Variants in CNNM1 observed in about 807,000 individuals in gnomAD.
The protein encoded by CNNM1 is metal transporter CNNM1.
CNNM1 carries 44 observed loss-of-function variants against 78.8 expected under a neutral mutation model. The ratio of observed to expected loss-of-function variants is 0.56; its 90% CI spans 0.44 to 0.72. The LOEUF (loss-of-function observed/expected upper bound fraction) is 0.72. Among genes scored for constraint, CNNM1 ranks in the 30% least tolerant of loss-of-function variants. The probability of loss-of-function intolerance (pLI) is 0.00; values close to 1 mark genes in which losing one functional copy is unlikely to be tolerated. For missense variants in CNNM1, 1,101 were observed against 1,292.2 expected (o/e 0.85, Z 2.27); for synonymous variants, 584 against 581.5 (o/e 1.00, Z -0.06).
chr10:99,357,794 G>A (rs574323145), intron 2 of CNNM1, 139 bp downstream of exon 2: 1 of 721,600 alleles, frequency 1.4e-6, no homozygotes, highest in Non-Finnish European at 2.0e-6. Flanking sequence ...TATGCCAGGT[G>A]CTGCTGTGGC....
At chr10:99,384,211 C>G (rs1011048748) in intron 7 of CNNM1, among the ~76,000 whole-genome samples, 5 of 152,138 alleles carry the variant, frequency 3.3e-5, no homozygotes, top group Non-Finnish European at 7.3e-5. Context: ...AAGGAACTGA[C>G]AAGAAGTGAT....
intron 1 of CNNM1, among the ~76,000 whole-genome samples, chr10:99,347,303 G>A (rs1027525389): frequency 3.3e-5 from 5 of 151,750 alleles, no homozygotes; most frequent in Admixed American, 6.6e-5. Context: ...GGTGGATCAC[G>A]AGGTCAGGAG....
At chr10:99,376,985 C>A in intron 6 of CNNM1, 70 bp from the exon 7 acceptor site, 1 of 1,264,466 alleles carries the variant, frequency 7.9e-7, no homozygotes, top group Non-Finnish European at 1.1e-6. Context: ...CCTTCCCTGT[C>A]TCCCTCCCTC....
At chr10:99,353,548 CCTCTAGGG>C (rs1228240741) in intron 1 of CNNM1, among the ~76,000 whole-genome samples, 2 of 152,164 alleles carry the variant, frequency 1.3e-5, no homozygotes, top group East Asian at 3.9e-4. Flanking sequence ...ACCCCCAGCA[CCTCTAGGG>C]CCCAGGAAGG....
intron 6 of CNNM1, among the ~76,000 whole-genome samples, chr10:99,373,139 A>T (rs1475552784): frequency 6.6e-6 from 1 of 152,144 alleles, no homozygotes; most frequent in African/African-American, 2.4e-5. Context: ...CACGGATGGA[A>T]GGAGTTTAGT....
chr10:99,356,627 A>AAAGAAAGAAAAGAAAAG (rs1554940134), intron 1 of CNNM1, among the ~76,000 whole-genome samples: 10 of 137,002 alleles, frequency 7.3e-5, no homozygotes, highest in Non-Finnish European at 1.3e-4. Context: ...GAAAGAAAAG[A>AAAGAAAGAAAAGAAAAG]AAAGAAAGAA....
chr10:99,388,596 A>G (rs1195692383), intron 9 of CNNM1, among the ~76,000 whole-genome samples: 1 of 152,214 alleles, frequency 6.6e-6, no homozygotes, highest in African/African-American at 2.4e-5. Context: ...TAGGCAAGTT[A>G]TTGAACCTAA....
chr10:99,361,132 A>G (rs1177450410), intron 3 of CNNM1, among the ~76,000 whole-genome samples, 157 bp downstream of exon 3: 2 of 152,208 alleles, frequency 1.3e-5, no homozygotes. Flanking sequence ...AGGGTAATGG[A>G]TGCCACCTAC....
chr10:99,373,805 C>A (rs2031881919), intron 6 of CNNM1, among the ~76,000 whole-genome samples: 2 of 152,068 alleles, frequency 1.3e-5, no homozygotes, highest in Admixed American at 1.3e-4. Flanking sequence ...ATAATGCAGT[C>A]TTTGACTTTC....
chr10:99,359,365 C>T (rs1453384786), intron 2 of CNNM1, among the ~76,000 whole-genome samples: 1 of 152,158 alleles, frequency 6.6e-6, no homozygotes. Flanking sequence ...CCTCTTTCTA[C>T]AGGAGCAGGT....
intron 7 of CNNM1, among the ~76,000 whole-genome samples, chr10:99,381,587 A>C (rs7080292): frequency 0.89 from 134,740 of 151,434 alleles, 60,076 homozygotes; most frequent in African/African-American, 0.92. Flanking sequence ...ACTAAAAATA[A>C]AAAAATTACC....
At chr10:99,390,071 T>C (rs76013425) in intron 9 of CNNM1, among the ~76,000 whole-genome samples, 2,568 of 152,334 alleles carry the variant, frequency 0.017, 76 homozygotes, top group African/African-American at 0.059. Flanking sequence ...GCATGGATCG[T>C]TGGATTCCGG....
chr10:99,380,766 G>A (rs1330014838), intron 7 of CNNM1, among the ~76,000 whole-genome samples: 2 of 149,152 alleles, frequency 1.3e-5, no homozygotes, highest in Non-Finnish European at 3.0e-5. Flanking sequence ...ACTCCAGCCT[G>A]GGTGACAGAG....
At chr10:99,382,494 G>A (rs1241585126) in intron 7 of CNNM1, among the ~76,000 whole-genome samples, 1 of 152,156 alleles carries the variant, frequency 6.6e-6, no homozygotes, top group Non-Finnish European at 1.5e-5. Context: ...CAGGTGCAGT[G>A]GCTCACACCT....
intron 7 of CNNM1, among the ~76,000 whole-genome samples, chr10:99,379,630 GT>G (rs1220469011): frequency 7.2e-6 from 1 of 138,850 alleles, no homozygotes; most frequent in Non-Finnish European, 1.5e-5. Context: ...TCTACTTTAA[GT>G]GTGGCGGGAT....
rs147181380 is a variant in CNNM1, at chr10:99,330,902, C to T, written c.1515C>T (p.Pro505=). ...CTGTCACCCGCTTCTACAACCGGCC[C>T]CTGCATTGTGTTTTCAATGACACCC... ...LLTVTRFYNR[P]LHCVFNDTRL... Residue 505 remains proline (P), a synonymous_variant, in exon 1 of 11, where the codon CCC becomes CCT. Transcript: ENST00000356713. The T allele has an allele frequency of 2.5e-6, 4 of 1,614,120 alleles. No homozygotes were observed. In the African/African-American group the frequency reaches 5.3e-5, roughly 22 times the overall value.
At position 99,393,405 on chromosome 10, in the gene CNNM1, C is replaced by T. The variant is rs1169920943; in HGVS notation, c.*1889C>T. On this transcript the variant is annotated 3_prime_UTR_variant, in exon 11 of 11. Transcript: ENST00000356713. Reference sequence around the variant, plus strand: ...TTGGACTTCAGAGGGTCTATGAAACCCCTAAAACTGTCAGTATTTAATGTA... The same window carrying T: ...TTGGACTTCAGAGGGTCTATGAAACTCCTAAAACTGTCAGTATTTAATGTA... 3.3e-5 allele frequency: 5 copies of T among 152,484 alleles called. No individual in the cohort carries two copies. Among genetic ancestry groups the T allele is most frequent in the African/African-American group, 9.7e-5 (4 of 41,392 alleles). 9.4% of individuals were successfully genotyped at this position (152,484 alleles called of 1,614,324 possible).
In CNNM1 at chr10:99,356,628, AAAG is replaced by A. The variant is rs758522687; in HGVS notation, c.1574-881_1574-879del. Among the ~76,000 whole-genome samples the A allele has an allele frequency of 3.2e-5, 4 of 126,626 alleles. No individual in the cohort carries two copies. The East Asian group carries it at 6.1e-4, about 19-fold the overall frequency. 83.1% of individuals were successfully genotyped at this position (126,626 alleles called of 152,430 possible). On this transcript the variant is annotated intron_variant, in intron 1 of 10. Coordinates refer to ENST00000356713, the MANE Select transcript of CNNM1 (RefSeq NM_020348.3). ...AGAAAAGAAAGAAAGAAAGAAAAGA[AAAG>A]AAAGAAAGAAAGGAGGGAGGGAGGG...
rs1445593976 is a variant in CNNM1, at chr10:99,393,564, C to T, written c.*2048C>T. The T allele has an allele frequency of 6.6e-6, 1 of 152,444 alleles. No homozygotes were observed. Among genetic ancestry groups the T allele is most frequent in the African/African-American group, 2.4e-5 (1 of 41,380 alleles). 9.4% of individuals were successfully genotyped at this position (152,444 alleles called of 1,614,324 possible). On this transcript the variant is annotated 3_prime_UTR_variant, in exon 11 of 11. Coordinates refer to ENST00000356713, the MANE Select transcript of CNNM1 (RefSeq NM_020348.3). ...ATTTTAAATAGTGGAACTTTCAGCCCAGCGTTTCTGCAATGCAGAGTGAAG... is the reference window on the plus strand; with the variant it reads ...ATTTTAAATAGTGGAACTTTCAGCCTAGCGTTTCTGCAATGCAGAGTGAAG...
Sources: gnomAD v4.1 joint callset for allele counts (sites outside exome capture counted in the v4.1 genomes callset) on GRCh38, gnomAD v4.1.1 for gene constraint, MANE v1.5 for transcripts, NCBI Gene and HGNC (gene_info 2026-07-23, HGNC 2026-07-21) for gene names.